Variants in SFMBT2 observed in about 807,000 individuals in gnomAD.
The protein encoded by SFMBT2 is scm-like with four MBT domains protein 2.
A neutral mutation model predicts 110.1 loss-of-function variants in SFMBT2; 38 were observed. That is an observed-to-expected ratio of 0.35 (90% CI 0.27 to 0.45). The LOEUF is 0.45. SFMBT2 is among the 20% of genes least tolerant of loss of function. SFMBT2 has a pLI of 1.00. For missense variants in SFMBT2, 1,011 were observed against 1,094.9 expected, an observed-to-expected ratio of 0.92 and a Z score of 1.08; for synonymous variants, 425 against 425.4, an observed-to-expected ratio of 1.00 and a Z score of 0.01.
chr10:7,223,477 A>G (rs1028869000), intron 10 of SFMBT2, among the ~76,000 whole-genome samples: 1 of 152,070 alleles, frequency 6.6e-6, no homozygotes, highest in Non-Finnish European at 1.5e-5. Flanking sequence ...TGGGTCTTCA[A>G]TTCTACATAA....
At chr10:7,177,309 T>C (rs752156793) in intron 16 of SFMBT2, among the ~76,000 whole-genome samples, 1 of 152,126 alleles carries the variant, frequency 6.6e-6, no homozygotes, top group Admixed American at 6.6e-5. Flanking sequence ...AGTCTATTTG[T>C]GTATTAGGAA....
In SFMBT2 at chr10:7,172,034, C is replaced by T; in HGVS notation, c.2276G>A (p.Arg759Lys). Residue 759 changes from arginine to lysine, a missense_variant, in exon 19 of 21, where the codon AGG becomes AAG. This residue lies in a region of SFMBT2 where 979 missense variants were observed against 1,016.1 expected (regional missense o/e 0.96). Transcript: ENST00000397167. The surrounding 1 kb of genome is among the most constrained non-coding windows in gnomAD (Gnocchi z 4.6). ...SAEVPSARPR[R>K]AVTLRSGSEP... Reference sequence around the variant, plus strand: ...TGAGCCGCTCCGCAGGGTGACGGCCCTCCGGGGCCGGGCCGAGGGCACCTC... The same window carrying T: ...TGAGCCGCTCCGCAGGGTGACGGCCTTCCGGGGCCGGGCCGAGGGCACCTC... 1 of 1,589,546 alleles carries T rather than the reference C, an allele frequency of 6.3e-7. No individual in the cohort carries two copies. Among genetic ancestry groups the T allele is most frequent in the Non-Finnish European group, 8.6e-7 (1 of 1,169,002 alleles).
rs761898926 is a variant in SFMBT2 at position 7,381,833 on chromosome 10, G to A, written c.66C>T (p.Leu22=). ...DPSSSPLEKC[L]GSANGNGDLD... ...GGTCTCCATTTCCATTAGCTGAGCC[G>A]AGACACTTTTCCAAGGGTGAAGATG... Residue 22 remains leucine, a synonymous_variant, in exon 2 of 21, where the codon CTC becomes CTT. Coordinates refer to ENST00000397167, the MANE Select transcript of SFMBT2 (RefSeq NM_001387889.1). 7.3e-5 allele frequency: 118 copies of A among 1,613,270 alleles called. No homozygotes were observed. Among genetic ancestry groups the A allele is most frequent in the Non-Finnish European group, 9.2e-5 (109 of 1,179,712 alleles).
chr10:7,240,182 C>T lies in SFMBT2; in HGVS notation c.1120+3376G>A, dbSNP rs531096922. 3.3e-5 allele frequency among the ~76,000 whole-genome samples: 5 copies of T among 152,268 alleles called. No homozygotes were observed. The South Asian group carries it at 1.0e-3, about 32-fold the overall frequency. On this transcript the variant is annotated intron_variant, in intron 9 of 20. Coordinates refer to ENST00000397167, the MANE Select transcript of SFMBT2 (RefSeq NM_001387889.1). Reference sequence around the variant, plus strand: ...CTCTGTCCCTCATACCCCAAAAACACTAATAATTATTCTCATTATTTTCTT... The same window carrying T: ...CTCTGTCCCTCATACCCCAAAAACATTAATAATTATTCTCATTATTTTCTT...
At chr10:7,261,942 T>C (rs892554020) in intron 7 of SFMBT2, among the ~76,000 whole-genome samples, 10 of 152,220 alleles carry the variant, frequency 6.6e-5, no homozygotes, top group African/African-American at 2.4e-4. Context: ...CCACACCTTT[T>C]ATTGACACCC....
intron 4 of SFMBT2, among the ~76,000 whole-genome samples, chr10:7,364,179 G>T (rs1359859286): frequency 2.0e-4 from 30 of 152,120 alleles, no homozygotes; most frequent in Admixed American, 1.9e-3. Flanking sequence ...TCCTGACTCT[G>T]CTCTCCATAT....
chr10:7,177,348 C>G (rs191615230), intron 16 of SFMBT2, among the ~76,000 whole-genome samples: 1 of 152,240 alleles, frequency 6.6e-6, no homozygotes, highest in Non-Finnish European at 1.5e-5. Flanking sequence ...CCAGTTAAAT[C>G]TCCCCCCGCC....
intron 4 of SFMBT2, among the ~76,000 whole-genome samples, chr10:7,353,035 A>G (rs1161848353): frequency 6.6e-6 from 1 of 151,962 alleles, no homozygotes; most frequent in East Asian, 1.9e-4. Context: ...AAATAAATAA[A>G]TAAATAAAAT....
At chr10:7,364,367 G>A (rs573492819) in intron 4 of SFMBT2, among the ~76,000 whole-genome samples, 3 of 152,036 alleles carry the variant, frequency 2.0e-5, no homozygotes, top group Non-Finnish European at 4.4e-5. Flanking sequence ...TTTTGAACTT[G>A]TCATTTTAAG....
intron 7 of SFMBT2, among the ~76,000 whole-genome samples, chr10:7,250,281 T>C (rs543146996): frequency 1.3e-5 from 2 of 152,274 alleles, no homozygotes; most frequent in African/African-American, 4.8e-5. Flanking sequence ...ACTGGTCCCA[T>C]GTTTACATCC....
intron 2 of SFMBT2, among the ~76,000 whole-genome samples, chr10:7,379,738 T>C (rs1435418208): frequency 1.3e-5 from 2 of 152,196 alleles, no homozygotes; most frequent in Non-Finnish European, 2.9e-5. Flanking sequence ...TCCTGTATGA[T>C]TTAGGCCATC....
At chr10:7,257,086 C>T (rs888326098) in intron 7 of SFMBT2, among the ~76,000 whole-genome samples, 14 of 70,630 alleles carry the variant, frequency 2.0e-4, no homozygotes, top group East Asian at 7.4e-4. Context: ...AGCGAGACTC[C>T]GTTGGAAAGG....
intron 10 of SFMBT2, 124 bp downstream of exon 10, chr10:7,227,731 T>G: frequency 1.3e-6 from 1 of 769,506 alleles, no homozygotes; most frequent in Non-Finnish European, 2.1e-6. Flanking sequence ...ACTACAGACA[T>G]TTTGTAGTTC....
At chr10:7,381,749 A>G in intron 2 of SFMBT2, 50 bp downstream of exon 2, 2 of 1,581,616 alleles carry the variant, frequency 1.3e-6, no homozygotes, top group Non-Finnish European at 8.7e-7. Context: ...TCAGGAAGAT[A>G]TTGATCAATT....
intron 15 of SFMBT2, chr10:7,189,004 CTCT>C: frequency 3.1e-6 from 1 of 317,562 alleles, no homozygotes; most frequent in African/African-American, 2.2e-5. Flanking sequence ...CTCCCATTAA[CTCT>C]TCTAGTTGCA....
chr10:7,186,142 T>C (rs1030870110), intron 16 of SFMBT2, among the ~76,000 whole-genome samples: 1 of 152,080 alleles, frequency 6.6e-6, no homozygotes, highest in Non-Finnish European at 1.5e-5. Flanking sequence ...TAGGTAACAG[T>C]GTAAGTTTTC....
chr10:7,386,378 G>A (rs926562232), intron 1 of SFMBT2, among the ~76,000 whole-genome samples: 3 of 152,166 alleles, frequency 2.0e-5, no homozygotes, highest in Non-Finnish European at 4.4e-5. Flanking sequence ...GGAGGCCAAG[G>A]TGGGCAGATT....
intron 4 of SFMBT2, among the ~76,000 whole-genome samples, chr10:7,343,128 G>A (rs942644407): frequency 6.6e-6 from 1 of 151,920 alleles, no homozygotes; most frequent in African/African-American, 2.4e-5. Flanking sequence ...CTAAGTGAGA[G>A]CATGCAGCAT....
chr10:7,271,576 G>T (rs1841585225), intron 7 of SFMBT2, among the ~76,000 whole-genome samples: 1 of 152,134 alleles, frequency 6.6e-6, no homozygotes, highest in African/African-American at 2.4e-5. Flanking sequence ...CAGGGTCAGG[G>T]GTCCAGGGAA....
Sources: gnomAD v4.1 joint callset for allele counts (sites outside exome capture counted in the v4.1 genomes callset) on GRCh38, gnomAD v4.1.1 for gene constraint, gnomAD v4.1.1 regional missense constraint, Gnocchi (gnomAD v3.1) non-coding constraint, MANE v1.5 for transcripts, NCBI Gene and HGNC (gene_info 2026-07-23, HGNC 2026-07-21) for gene names.